RIN2: variants seen among roughly 807,000 people sequenced by gnomAD.
The protein encoded by RIN2 is RAB5 interacting protein 2.
A neutral mutation model predicts 78.0 loss-of-function variants in RIN2; 36 were observed. The ratio of observed to expected loss-of-function variants is 0.46; its 90% confidence interval spans 0.35 to 0.61. The LOEUF (loss-of-function observed/expected upper bound fraction) is 0.61, where lower values mean the gene tolerates loss of function less well. RIN2 is among the 20% of genes least tolerant of loss of function. The pLI, the probability that RIN2 is intolerant of heterozygous loss-of-function variation, is 0.00. For missense variants in RIN2, 1,087 were observed against 1,159.7 expected (o/e 0.94, Z 0.91); for synonymous variants, 466 against 466.8 (o/e 1.00, Z 0.02).
rs1227672654 is a variant in RIN2 at position 19,975,943 on chromosome 20, A to G, written c.1762+156A>G. Among the ~76,000 whole-genome samples the G allele has an allele frequency of 6.6e-6, 1 of 152,124 alleles. No individual in the cohort carries two copies. The highest frequency in any genetic ancestry group is 1.5e-5 in the Non-Finnish European group (1 of 68,010). On this transcript the variant is annotated intron_variant, in intron 9 of 12. Transcript: ENST00000255006. This position sits in a 1 kb window ranked among gnomAD's most constrained non-coding sequence, Gnocchi z 4.9. ...TTTGAATGGAAAAATCAGTTTCTCA[A>G]AGTAGCTGCTGACTGCCAGACTCAA... is the stretch of plus-strand genomic sequence containing the variant.
intron 3 of RIN2, among the ~76,000 whole-genome samples, chr20:19,923,431 A>G (rs914918618): frequency 3.5e-5 from 4 of 113,488 alleles, no homozygotes; most frequent in African/African-American, 1.7e-4. Flanking sequence ...AAAATAAATA[A>G]AATAAAATAA....
rs144695110 is a variant in RIN2, at chr20:19,785,463, A to G, written c.-162-14159A>G. Among the ~76,000 whole-genome samples the G allele has an allele frequency of 7.5e-3, 1,135 of 152,314 alleles. 58 individuals carry two copies. The highest frequency in any genetic ancestry group is 0.068 in the Admixed American group (1,046 of 15,302). ...GAGTTGACTGAACTCCGGAGAGGAA[A>G]TGGGGAAATTCAGTTTGCAGATGCT... On this transcript the variant is annotated intron_variant, in intron 1 of 12. Transcript: ENST00000255006.
chr20:19,985,714 A>C (rs932595350), intron 9 of RIN2, among the ~76,000 whole-genome samples: 16 of 152,310 alleles, frequency 1.1e-4, no homozygotes, highest in Middle Eastern at 6.8e-3. Flanking sequence ...CATCTCAACA[A>C]CAGCAACAAC....
intron 3 of RIN2, among the ~76,000 whole-genome samples, chr20:19,907,027 A>G (rs1343193284): frequency 6.6e-6 from 1 of 152,122 alleles, no homozygotes; most frequent in East Asian, 1.9e-4. Context: ...GGTTGAGGGG[A>G]CTGCATTTTG....
chr20:19,999,705 T>C (rs1018379900), intron 12 of RIN2, among the ~76,000 whole-genome samples: 1 of 152,214 alleles, frequency 6.6e-6, no homozygotes, highest in Admixed American at 6.5e-5. Flanking sequence ...GCTTTGTATC[T>C]TGTAAGGCCA....
intron 3 of RIN2, among the ~76,000 whole-genome samples, chr20:19,908,740 C>A (rs896610375): frequency 2.6e-5 from 4 of 152,194 alleles, no homozygotes; most frequent in Non-Finnish European, 5.9e-5. Context: ...CAGAAGTTGG[C>A]GGCCCTCCTT....
intron 2 of RIN2, among the ~76,000 whole-genome samples, chr20:19,855,925 T>C (rs6081772): frequency 0.28 from 42,533 of 151,846 alleles, 6,568 homozygotes; most frequent in Non-Finnish European, 0.35. Flanking sequence ...AATACAAAAA[T>C]TAGCAGGGTA....
intron 3 of RIN2, among the ~76,000 whole-genome samples, chr20:19,897,056 CTGTG>C (rs2038764116): frequency 6.6e-6 from 1 of 152,192 alleles, no homozygotes; most frequent in East Asian, 1.9e-4. Context: ...CTTTGAAACC[CTGTG>C]TGTATTTTAC....
At chr20:19,767,509 G>A (rs1340926941) in intron 1 of RIN2, among the ~76,000 whole-genome samples, 1 of 152,190 alleles carries the variant, frequency 6.6e-6, no homozygotes, top group African/African-American at 2.4e-5. Flanking sequence ...GCTAGCCTCA[G>A]GGAGGATGGG....
Position 19,910,989 on chromosome 20 carries a change from C to G in RIN2, c.57+21331C>G, listed in dbSNP as rs574198659. ...GCACCAGTGGTTAACATTTCACTGC[C>G]CTTGCTCTGTCATTCTCTTTCTACA... On this transcript the variant is annotated intron_variant, in intron 3 of 12. Transcript: ENST00000255006. Among the ~76,000 whole-genome samples, 388 of 152,224 alleles carry G rather than the reference C, an allele frequency of 2.5e-3. 2 individuals carry two copies. The highest frequency in any genetic ancestry group is 9.0e-3 in the African/African-American group (375 of 41,538).
At chr20:19,955,052 A>T (rs1435905108) in intron 4 of RIN2, among the ~76,000 whole-genome samples, 1 of 152,222 alleles carries the variant, frequency 6.6e-6, no homozygotes, top group African/African-American at 2.4e-5. Flanking sequence ...CTCTAATACC[A>T]GAACATTTCC....
At chr20:19,988,503 C>T (rs1403851955) in intron 9 of RIN2, among the ~76,000 whole-genome samples, 1 of 152,146 alleles carries the variant, frequency 6.6e-6, no homozygotes, top group Non-Finnish European at 1.5e-5. Context: ...TCATTTTATG[C>T]GTAGATGCTG....
chr20:19,975,315 C>T lies in RIN2; in HGVS notation c.1290C>T (p.Ser430=), dbSNP rs1342913168. The T allele has an allele frequency of 1.2e-6, 2 of 1,608,208 alleles. No homozygotes were observed. Among genetic ancestry groups the T allele is most frequent in the African/African-American group, 1.3e-5 (1 of 74,832 alleles). ...GCCATGGAGGCCGGCAGCGGCTGAG[C>T]GACATGAGCATTTCTACTTCCTCCT... is the stretch of plus-strand genomic sequence containing the variant. ...PPCHGGRQRL[S]DMSISTSSSD... is the part of the protein sequence containing the mutation. Residue 430 remains serine, a synonymous_variant, in exon 9 of 13, where the codon AGC becomes AGT. Coordinates refer to ENST00000255006, the MANE Select transcript of RIN2 (RefSeq NM_018993.4). This position sits in a 1 kb window ranked among gnomAD's most constrained non-coding sequence, Gnocchi z 4.9.
At chr20:19,859,328 T>C (rs1329280651) in intron 2 of RIN2, among the ~76,000 whole-genome samples, 1 of 152,196 alleles carries the variant, frequency 6.6e-6, no homozygotes, top group Non-Finnish European at 1.5e-5. Context: ...GATTCACACA[T>C]TCCTGGTTCT....
intron 4 of RIN2, among the ~76,000 whole-genome samples, chr20:19,950,829 C>T (rs939809436): frequency 2.0e-4 from 30 of 151,878 alleles, no homozygotes; most frequent in African/African-American, 7.3e-4. Flanking sequence ...CCTGCCTTAG[C>T]CTCCTGAGCA....
In RIN2 at chr20:19,889,550, A is replaced by T; in HGVS notation, c.-36-16A>T. On this transcript the variant is annotated splice_polypyrimidine_tract_variant and intron_variant, in intron 2 of 12. Coordinates refer to ENST00000255006, the MANE Select transcript of RIN2 (RefSeq NM_018993.4). ...CTACAGGCTGGACTAACCATTAAAA[A>T]TGTCTCTACCTTCAGGAGTCCCCGG... 1.3e-6 allele frequency: 2 copies of T among 1,547,082 alleles called. No homozygotes were observed. Among genetic ancestry groups the T allele is most frequent in the Non-Finnish European group, 1.7e-6 (2 of 1,144,046 alleles).
intron 2 of RIN2, among the ~76,000 whole-genome samples, chr20:19,859,009 C>A (rs535707100): frequency 1.5e-4 from 23 of 152,312 alleles, no homozygotes; most frequent in Non-Finnish European, 3.2e-4. Context: ...GAGTTGAGAT[C>A]CCTGGGCTCA....
chr20:19,911,256 T>C (rs2039452887), intron 3 of RIN2, among the ~76,000 whole-genome samples: 1 of 152,122 alleles, frequency 6.6e-6, no homozygotes, highest in Admixed American at 6.5e-5. Flanking sequence ...TTTCACCATG[T>C]TGGCCAGGCT....
At chr20:19,823,401 C>G (rs970179669) in intron 2 of RIN2, 2 of 579,774 alleles carry the variant, frequency 3.4e-6, no homozygotes, top group Non-Finnish European at 6.0e-6. Context: ...TTTTTTTTTT[C>G]TTTTTTTGTC....
Sources: allele counts gnomAD v4.1 joint callset (sites outside exome capture counted in the v4.1 genomes callset), GRCh38; gene constraint gnomAD v4.1.1; non-coding constraint Gnocchi (gnomAD v3.1); transcripts MANE v1.5; gene names NCBI Gene and HGNC (gene_info 2026-07-23, HGNC 2026-07-21).